Variants in TTLL11 observed in about 807,000 individuals in gnomAD.
TTLL11 encodes the protein tubulin tyrosine ligase like 11.
In TTLL11, 42 loss-of-function variants were observed where a neutral mutation model predicts 51.7. The ratio of observed to expected loss-of-function variants is 0.81; its 90% confidence interval spans 0.64 to 1.05. The LOEUF (loss-of-function observed/expected upper bound fraction) is 1.05, where lower values mean the gene tolerates loss of function less well. Ranked by LOEUF, TTLL11 falls within the 50% of genes least tolerant of loss-of-function variation. The pLI is 0.00. For missense variants in TTLL11, 799 were observed against 940.4 expected (o/e 0.85, Z 1.97); for synonymous variants, 381 against 383.5 (o/e 0.99, Z 0.08).
intron 3 of TTLL11, among the ~76,000 whole-genome samples, chr9:122,014,696 A>G (rs906073287): frequency 2.6e-5 from 4 of 152,238 alleles, no homozygotes; most frequent in Non-Finnish European, 4.4e-5. Context: ...GAGTCAGAAG[A>G]TGTGGGTCTT....
chr9:122,074,947 T>C (rs1289744529), intron 1 of TTLL11, among the ~76,000 whole-genome samples: 3 of 152,050 alleles, frequency 2.0e-5, no homozygotes, highest in African/African-American at 4.8e-5. Flanking sequence ...TGTTTCTAAA[T>C]AGGGATCTGC....
chr9:121,901,156 A>C (rs1043539672), intron 6 of TTLL11, among the ~76,000 whole-genome samples: 2 of 152,248 alleles, frequency 1.3e-5, no homozygotes, highest in African/African-American at 4.8e-5. Flanking sequence ...ATTGGTGTAT[A>C]GAAAATACTA....
chr9:121,937,962 C>T (rs1003616703), intron 6 of TTLL11, among the ~76,000 whole-genome samples: 10 of 152,122 alleles, frequency 6.6e-5, no homozygotes, highest in Non-Finnish European at 4.4e-5. Context: ...GCTGACATCA[C>T]ACTCAACAGT....
intron 6 of TTLL11, among the ~76,000 whole-genome samples, chr9:121,935,698 T>C (rs957626921): frequency 2.6e-5 from 4 of 152,154 alleles, no homozygotes; most frequent in Non-Finnish European, 5.9e-5. Context: ...AGACGGTGAC[T>C]GGACAAAAGT....
chr9:121,954,082 A>G (rs1233325136), intron 6 of TTLL11, among the ~76,000 whole-genome samples: 1 of 152,272 alleles, frequency 6.6e-6, no homozygotes, highest in East Asian at 1.9e-4. Context: ...CCCCAGCCCC[A>G]CTGTATGTGA....
chr9:121,966,050 G>A (rs1222921524), intron 6 of TTLL11, among the ~76,000 whole-genome samples: 1 of 152,216 alleles, frequency 6.6e-6, no homozygotes, highest in Admixed American at 6.5e-5. Flanking sequence ...TTGGAGACAA[G>A]GTAAGAAGTA....
intron 1 of TTLL11, among the ~76,000 whole-genome samples, chr9:122,076,169 C>T (rs1467870931): frequency 6.6e-6 from 1 of 152,190 alleles, no homozygotes; most frequent in African/African-American, 2.4e-5. Context: ...AGGGCCAACA[C>T]CTCTCTCCTG....
intron 1 of TTLL11, among the ~76,000 whole-genome samples, chr9:122,063,476 G>A (rs921359241): frequency 1.3e-5 from 2 of 151,336 alleles, no homozygotes; most frequent in Admixed American, 1.3e-4. Context: ...ATAAGATTGC[G>A]TTTTAAAATA....
chr9:122,063,187 ATTTTACATAC>A (rs1221855746), intron 1 of TTLL11, among the ~76,000 whole-genome samples: 2 of 152,182 alleles, frequency 1.3e-5, no homozygotes, highest in Non-Finnish European at 2.9e-5. Context: ...TTTGAAAGCC[ATTTTACATAC>A]TTTTGGGGAA....
intron 8 of TTLL11, among the ~76,000 whole-genome samples, chr9:121,835,319 C>A (rs1483387489): frequency 2.6e-5 from 4 of 152,136 alleles, no homozygotes; most frequent in African/African-American, 9.7e-5. Flanking sequence ...CTCAGGGAGA[C>A]CCAAGCACCT....
chr9:122,006,473 C>T (rs1418243518), intron 3 of TTLL11, among the ~76,000 whole-genome samples: 1 of 151,522 alleles, frequency 6.6e-6, no homozygotes, highest in African/African-American at 2.4e-5. Context: ...ATTTGAGTCA[C>T]TCATACAACA....
intron 4 of TTLL11, among the ~76,000 whole-genome samples, chr9:121,978,544 A>G (rs1465919926): frequency 6.6e-6 from 1 of 152,026 alleles, no homozygotes; most frequent in Admixed American, 6.6e-5. Flanking sequence ...GCATGGGGAA[A>G]GCCTCTTTCC....
intron 6 of TTLL11, among the ~76,000 whole-genome samples, chr9:121,907,450 CAA>C (rs5900502): frequency 2.7e-4 from 32 of 118,566 alleles, no homozygotes; most frequent in Admixed American, 3.4e-4. Context: ...AACTCTGTCT[CAA>C]AAAAAAAAAA....
intron 1 of TTLL11, among the ~76,000 whole-genome samples, chr9:122,055,425 G>C (rs913553495): frequency 1.3e-5 from 2 of 152,130 alleles, no homozygotes; most frequent in African/African-American, 4.8e-5. Flanking sequence ...AGCCATTCCA[G>C]GATTTTCACA....
chr9:121,929,331 T>C (rs375100611), intron 6 of TTLL11, among the ~76,000 whole-genome samples: 51 of 151,720 alleles, frequency 3.4e-4, no homozygotes, highest in African/African-American at 1.2e-3. Flanking sequence ...TCCCAGCTAC[T>C]CAGGAGGCTG....
At chr9:121,836,942 A>G (rs745986460) in intron 8 of TTLL11, among the ~76,000 whole-genome samples, 39 of 152,224 alleles carry the variant, frequency 2.6e-4, no homozygotes, top group Admixed American at 2.2e-3. Context: ...AATTTCTGGC[A>G]TATACGCATA....
intron 2 of TTLL11, among the ~76,000 whole-genome samples, chr9:122,034,474 G>A (rs1011136376): frequency 5.3e-5 from 8 of 152,204 alleles, no homozygotes; most frequent in African/African-American, 1.4e-4. Context: ...CCTGCAGGCC[G>A]GAGGCAGCTC....
rs1425355367 is a variant in TTLL11, at chr9:121,822,019, A to G, written c.*568T>C. On this transcript the variant is annotated 3_prime_UTR_variant, in exon 9 of 9. Coordinates refer to ENST00000321582, the MANE Select transcript of TTLL11 (RefSeq NM_001139442.2). This position sits in a 1 kb window ranked among gnomAD's most constrained non-coding sequence, Gnocchi z 5.8. ...TAATAACAAACCAAATATTGCAGCA[A>G]CAGGCAAGCTAATGAACTAAATGAG... The G allele has an allele frequency of 1.3e-5, 2 of 152,224 alleles. No individual in the cohort carries two copies. The highest frequency in any genetic ancestry group is 4.1e-4 in the South Asian group (2 of 4,822). 9.4% of individuals were successfully genotyped at this position (152,224 alleles called of 1,614,324 possible).
At chr9:122,017,259 T>C (rs1234839344) in intron 3 of TTLL11, among the ~76,000 whole-genome samples, 1 of 152,110 alleles carries the variant, frequency 6.6e-6, no homozygotes, top group Admixed American at 6.5e-5. Flanking sequence ...TTAAGTGCAC[T>C]ACCTCTAATA....
Sources: gnomAD v4.1 joint callset for allele counts (sites outside exome capture counted in the v4.1 genomes callset) on GRCh38, gnomAD v4.1.1 for gene constraint, Gnocchi (gnomAD v3.1) non-coding constraint, MANE v1.5 for transcripts, NCBI Gene and HGNC (gene_info 2026-07-23, HGNC 2026-07-21) for gene names.